ALDH3A1: variants seen among roughly 807,000 people sequenced by gnomAD.
ALDH3A1 encodes the protein aldehyde dehydrogenase 3 family member A1.
Under a neutral mutation model 49.9 loss-of-function variants are expected in ALDH3A1, and 46 were observed. The observed-to-expected ratio is 0.92, with a 90% CI of 0.73 to 1.18. ALDH3A1 has a LOEUF of 1.18. Ranked by LOEUF, ALDH3A1 falls within the 50% of genes most tolerant of loss-of-function variation. The pLI, the probability that ALDH3A1 is intolerant of heterozygous loss-of-function variation, is 0.00. For missense variants in ALDH3A1, 592 were observed against 611.8 expected, an observed-to-expected ratio of 0.97 and a Z score of 0.34; for synonymous variants, 269 against 253.3, an observed-to-expected ratio of 1.06 and a Z score of -0.59.
In ALDH3A1 at chr17:19,743,227, T is replaced by C. The variant is rs751526409; in HGVS notation, c.394+5A>G. The C allele has an allele frequency of 1.2e-6, 2 of 1,613,504 alleles. No homozygotes were observed. The highest frequency in any genetic ancestry group is 1.7e-6 in the Non-Finnish European group (2 of 1,179,858). ...CCCAGCTTCCCTTCCCACAGGGCCATGCACCTGCAGCGATGGCGCCCACCA... is the reference window on the plus strand; with the variant it reads ...CCCAGCTTCCCTTCCCACAGGGCCACGCACCTGCAGCGATGGCGCCCACCA... On this transcript the variant is annotated splice_donor_5th_base_variant and intron_variant, in intron 3 of 10. Transcript: ENST00000225740. This position sits in a 1 kb window ranked among gnomAD's most constrained non-coding sequence, Gnocchi z 4.4.
In ALDH3A1 at chr17:19,743,445, A is replaced by G. The variant is rs376801126; in HGVS notation, c.181T>C (p.Tyr61His). Residue 61 changes from tyrosine (Y) to histidine (H), a missense_variant, in exon 3 of 11, where the codon TAT becomes CAT. By Grantham distance (83) the Tyr-to-His change is moderately conservative (BLOSUM62 2). Transcript: ENST00000225740. The surrounding 1 kb of genome is among the most constrained non-coding windows in gnomAD (Gnocchi z 4.4). The part of the protein sequence containing the change: ...DLHKNEWNAY[Y>H]EEVVYVLEEI... ...TCTAGGACGTACACCACCTCCTCAT[A>G]GTAGGCGTTCCATTCATTCTGCAGC... The G allele has an allele frequency of 3.0e-5, 48 of 1,605,162 alleles. No individual in the cohort carries two copies. Among genetic ancestry groups the G allele is most frequent in the Non-Finnish European group, 3.8e-5 (45 of 1,174,670 alleles).
chr17:19,744,895 T>TGGCCCCC, intron 2 of ALDH3A1, 73 bp downstream of exon 2: 1 of 924,174 alleles, frequency 1.1e-6, no homozygotes, highest in Non-Finnish European at 1.4e-6. Context: ...GGTCGCACTC[T>TGGCCCCC]CCCCAGCCCC....
At chr17:19,744,210 C>T in intron 2 of ALDH3A1, 1 of 799,574 alleles carries the variant, frequency 1.3e-6, no homozygotes, top group Non-Finnish European at 1.5e-6. Flanking sequence ...TCAAGACCAG[C>T]CTGTCCAACA....
rs537270365 is a variant in ALDH3A1 at position 19,742,729 on chromosome 17, C to T, written c.395-99G>A. ...TGAAGCCTCCCCTCCATTGTGTGTC[C>T]TCGGGACAGTGGATGGAAGAGTTGT... On this transcript the variant is annotated intron_variant, in intron 3 of 10. Coordinates refer to ENST00000225740, the MANE Select transcript of ALDH3A1 (RefSeq NM_000691.5). The T allele has an allele frequency of 2.5e-6, 4 of 1,590,030 alleles. No homozygotes were observed. The South Asian group carries it at 3.4e-5, about 13-fold the overall frequency.
Position 19,746,571 on chromosome 17 carries a change from G to C in ALDH3A1, c.-5-1437C>G, listed in dbSNP as rs118186183. Among the ~76,000 whole-genome samples, 375 of 151,864 alleles carry C rather than the reference G, an allele frequency of 2.5e-3. 16 individuals carry two copies. In the East Asian group the frequency reaches 0.06, roughly 24 times the overall value. On this transcript the variant is annotated intron_variant, in intron 1 of 10. Coordinates refer to ENST00000225740, the MANE Select transcript of ALDH3A1 (RefSeq NM_000691.5). ...AGAAAGAAAGAAAGAAAGAAAAACA[G>C]AAAACAAGTTACAGAACAACAGATG...
intron 7 of ALDH3A1, 126 bp from the exon 8 acceptor site, chr17:19,739,800 G>T: frequency 8.1e-7 from 1 of 1,236,958 alleles, no homozygotes; most frequent in Non-Finnish European, 1.1e-6. Context: ...AAAAGGGCAG[G>T]GACGAGGCCT....
At chr17:19,741,335 C>A in intron 5 of ALDH3A1, 125 bp from the exon 6 acceptor site, 1 of 755,078 alleles carries the variant, frequency 1.3e-6, no homozygotes, top group East Asian at 2.6e-5. Context: ...AGTGAGTCCT[C>A]CCAAGCGGTC....
chr17:19,743,493 A>G lies in ALDH3A1; in HGVS notation c.163-30T>C. ...AGCGACAGAGCCGGAGTGAGCTTCC[A>G]GGGCCAGGGCCCGCCTGCAGCTGGG... On this transcript the variant is annotated intron_variant, in intron 2 of 10. Coordinates refer to ENST00000225740, the MANE Select transcript of ALDH3A1 (RefSeq NM_000691.5). This position sits in a 1 kb window ranked among gnomAD's most constrained non-coding sequence, Gnocchi z 4.4. The G allele has an allele frequency of 7.1e-6, 11 of 1,558,046 alleles. No homozygotes were observed. Among genetic ancestry groups the G allele is most frequent in the Non-Finnish European group, 9.6e-6 (11 of 1,149,848 alleles).
intron 2 of ALDH3A1, 73 bp downstream of exon 2, chr17:19,744,895 T>TGCCCCGCCCCCC: frequency 1.1e-5 from 10 of 924,174 alleles, no homozygotes; most frequent in Non-Finnish European, 1.3e-5. Context: ...GGTCGCACTC[T>TGCCCCGCCCCCC]CCCCAGCCCC....
chr17:19,742,736 CA>C (rs775631425), intron 3 of ALDH3A1, 106 bp from the exon 4 acceptor site: 5 of 1,579,410 alleles, frequency 3.2e-6, no homozygotes, highest in Non-Finnish European at 4.3e-6. Context: ...GTCCTCGGGA[CA>C]GTGGATGGAA....
chr17:19,746,789 G>GC (rs892511610), intron 1 of ALDH3A1, among the ~76,000 whole-genome samples: 1 of 152,140 alleles, frequency 6.6e-6, no homozygotes, highest in Non-Finnish European at 1.5e-5. Context: ...TAGAACGGTA[G>GC]CCCCCGACAC....
At chr17:19,745,265 C>G in intron 1 of ALDH3A1, 131 bp from the exon 2 acceptor site, 1 of 967,238 alleles carries the variant, frequency 1.0e-6, no homozygotes, top group African/African-American at 1.7e-5. Flanking sequence ...GCTGGAAGGT[C>G]CACTTTCTGC....
At chr17:19,741,332 C>G (rs1291562204) in intron 5 of ALDH3A1, 122 bp from the exon 6 acceptor site, 1 of 787,406 alleles carries the variant, frequency 1.3e-6, no homozygotes, top group Non-Finnish European at 2.1e-6. Context: ...ACCAGTGAGT[C>G]CTCCCAAGCG....
intron 5 of ALDH3A1, 121 bp from the exon 6 acceptor site, chr17:19,741,331 T>A: frequency 2.5e-6 from 2 of 796,956 alleles, no homozygotes; most frequent in South Asian, 1.6e-5. Flanking sequence ...CACCAGTGAG[T>A]CCTCCCAAGC....
chr17:19,744,644 G>A, intron 2 of ALDH3A1: 20 of 985,372 alleles, frequency 2.0e-5, no homozygotes, highest in Non-Finnish European at 2.4e-5. Flanking sequence ...CTGGTGTGGA[G>A]AACCAAGTGG....
At chr17:19,738,603 G>T in intron 9 of ALDH3A1, 150 bp from the exon 10 acceptor site, 1 of 1,202,206 alleles carries the variant, frequency 8.3e-7, no homozygotes, top group Non-Finnish European at 1.2e-6. Flanking sequence ...CAAATCCTAT[G>T]GCCCTCAGCA....
In ALDH3A1 at chr17:19,743,341, C is replaced by T. The variant is rs1463892674; in HGVS notation, c.285G>A (p.Gln95=). 1.9e-6 allele frequency: 3 copies of T among 1,614,028 alleles called. No individual in the cohort carries two copies. The Admixed American group carries it at 5.0e-5, about 27-fold the overall frequency. ...GCTCCGAGTGGATGTAGAGCTCGTC[C>T]TGCTGAGTCTGGGGCGTCTTCTCCA... The part of the protein sequence containing the change: ...EPVEKTPQTQ[Q]DELYIHSEPL... Residue 95 remains glutamine, a synonymous_variant, in exon 3 of 11, where the codon CAG becomes CAA. Transcript: ENST00000225740. This position sits in a 1 kb window ranked among gnomAD's most constrained non-coding sequence, Gnocchi z 4.4.
rs145465198 is a variant in ALDH3A1 at position 19,739,599 on chromosome 17, A to G, written c.1025T>C (p.Ile342Thr). The G allele has an allele frequency of 8.7e-5, 140 of 1,613,870 alleles. 1 individual carries two copies. The highest frequency in any genetic ancestry group is 5.5e-4 in the Admixed American group (33 of 59,972). Residue 342 changes from isoleucine to threonine, a missense_variant, in exon 8 of 11, where the codon ATC (isoleucine) becomes ACC (threonine). Coordinates refer to ENST00000225740, the MANE Select transcript of ALDH3A1 (RefSeq NM_000691.5). ...QEEIFGPVLPIVCVRSLEEAI... is the reference protein window; with the variant it reads ...QEEIFGPVLPTVCVRSLEEAI... ...CTCCTCCAGGCTGCGCACGCACACG[A>G]TGGGCAGCACAGGCCCGAAGATCTC...
At chr17:19,746,690 TGTGTGCGTGC>T (rs1328327012) in intron 1 of ALDH3A1, among the ~76,000 whole-genome samples, 12 of 146,938 alleles carry the variant, frequency 8.2e-5, no homozygotes, top group Admixed American at 1.3e-4. Flanking sequence ...TGTGCGTGTG[TGTGTGCGTGC>T]GTGTGTGTGC....
Sources: allele counts gnomAD v4.1 joint callset (sites outside exome capture counted in the v4.1 genomes callset), GRCh38; gene constraint gnomAD v4.1.1; non-coding constraint Gnocchi (gnomAD v3.1); transcripts MANE v1.5; gene names NCBI Gene and HGNC (gene_info 2026-07-23, HGNC 2026-07-21).